DENND1B: variants seen among roughly 807,000 people sequenced by gnomAD.
DENND1B encodes DENN domain-containing protein 1B.
In DENND1B, 59 loss-of-function variants were observed where a neutral mutation model predicts 90.1. The observed-to-expected ratio is 0.65, with a 90% CI of 0.53 to 0.81. The LOEUF is 0.81. Among genes scored for constraint, DENND1B ranks in the 40% least tolerant of loss-of-function variants. The pLI, the probability that DENND1B is intolerant of heterozygous loss-of-function variation, is 0.00. For synonymous variants in DENND1B, 337 were observed against 324.6 expected (o/e 1.04, Z -0.41); for missense variants, 862 against 912.6 (o/e 0.94, Z 0.71).
chr1:197,752,236 G>A lies in DENND1B; in HGVS notation c.82+20632C>T, dbSNP rs78518257. Reference sequence around the variant, plus strand: ...CTGCAGATCTTATGAAAATTAAAAAGATAAATATTATGAATGGTTTTGTGC... The same window carrying A: ...CTGCAGATCTTATGAAAATTAAAAAAATAAATATTATGAATGGTTTTGTGC... On this transcript the variant is annotated intron_variant, in intron 2 of 22. Coordinates refer to ENST00000620048, the MANE Select transcript of DENND1B (RefSeq NM_001195215.2). Among the ~76,000 whole-genome samples the A allele has an allele frequency of 4.8e-3, 736 of 152,064 alleles. 14 individuals are homozygous for A. Among genetic ancestry groups the A allele is most frequent in the African/African-American group, 0.016 (680 of 41,412 alleles).
intron 12 of DENND1B, 48 bp from the exon 13 acceptor site, chr1:197,607,222 C>A: frequency 1.5e-6 from 2 of 1,304,348 alleles, no homozygotes; most frequent in Non-Finnish European, 1.1e-6. Context: ...ATTTACTTTA[C>A]AAAGTTATGA....
intron 3 of DENND1B, among the ~76,000 whole-genome samples, chr1:197,709,742 T>A (rs1364046311): frequency 1.2e-5 from 1 of 84,308 alleles, no homozygotes; most frequent in Non-Finnish European, 2.2e-5. Flanking sequence ...TAACTTTAAA[T>A]ATAAATGGAC....
chr1:197,683,675 C>A (rs550343072), intron 3 of DENND1B, among the ~76,000 whole-genome samples: 3 of 152,220 alleles, frequency 2.0e-5, no homozygotes, highest in South Asian at 2.1e-4. Context: ...AAATATCCTT[C>A]TTCATATTTT....
intron 13 of DENND1B, among the ~76,000 whole-genome samples, chr1:197,600,581 T>G (rs771539360): frequency 6.6e-6 from 1 of 151,784 alleles, no homozygotes; most frequent in Non-Finnish European, 1.5e-5. Context: ...ACCTCTTAAT[T>G]GTTATACAAT....
intron 1 of DENND1B, 92 bp downstream of exon 1, chr1:197,775,047 G>GTC: frequency 1.1e-6 from 1 of 925,410 alleles, no homozygotes. Flanking sequence ...CCGGGGAGCC[G>GTC]GTTGAGCGCG....
At position 197,569,403 on chromosome 1, in the gene DENND1B, C is replaced by A. The variant is rs545871906; in HGVS notation, c.1149+13749G>T. Among the ~76,000 whole-genome samples, 4 of 152,178 alleles carry A rather than the reference C, an allele frequency of 2.6e-5. No homozygotes were observed. The East Asian group carries it at 7.7e-4, about 29-fold the overall frequency. ...ACCAAAAATAGAACTATTATATGAT[C>A]CAGCAATTCTGCTTCTAGGAATATA... On this transcript the variant is annotated intron_variant, in intron 15 of 22. Coordinates refer to ENST00000620048, the MANE Select transcript of DENND1B (RefSeq NM_001195215.2).
chr1:197,765,208 A>T (rs1437808782), intron 2 of DENND1B, among the ~76,000 whole-genome samples: 1 of 152,244 alleles, frequency 6.6e-6, no homozygotes, highest in Non-Finnish European at 1.5e-5. Flanking sequence ...AACGTGAACC[A>T]AGACATTACT....
At chr1:197,628,370 C>T (rs967858942) in intron 10 of DENND1B, among the ~76,000 whole-genome samples, 5 of 152,112 alleles carry the variant, frequency 3.3e-5, no homozygotes, top group African/African-American at 7.2e-5. Flanking sequence ...GAAATAACGC[C>T]GCATAACTAC....
At position 197,508,803 on chromosome 1, in the gene DENND1B, CCT is replaced by C. The variant is rs1288383040; in HGVS notation, c.*1655_*1656del. ...TAACCATACTATCACTGCTTTTTTC[CCT>C]GATTGTGCCTGGTAATCTAGTCTAT... On this transcript the variant is annotated 3_prime_UTR_variant, in exon 23 of 23. Coordinates refer to ENST00000620048, the MANE Select transcript of DENND1B (RefSeq NM_001195215.2). 3 of 151,426 alleles carry C rather than the reference CCT, an allele frequency of 2.0e-5. No individual in the cohort carries two copies. The highest frequency in any genetic ancestry group is 4.4e-5 in the Non-Finnish European group (3 of 67,722). The allele number at this position is 151,426 out of a possible 1,614,324, so 9.4% of individuals were successfully genotyped here.
chr1:197,645,586 TAC>T (rs1680656354), intron 9 of DENND1B, 102 bp downstream of exon 9: 1 of 541,044 alleles, frequency 1.8e-6, no homozygotes, highest in African/African-American at 2.0e-5. Flanking sequence ...CACAGATAAT[TAC>T]AATGTATCCT....
chr1:197,553,285 A>T (rs981011417), intron 15 of DENND1B, among the ~76,000 whole-genome samples, 173 bp from the exon 16 acceptor site: 1 of 152,176 alleles, frequency 6.6e-6, no homozygotes, highest in African/African-American at 2.4e-5. Context: ...GAAAATTCTC[A>T]AACAATGGAA....
chr1:197,538,960 G>T (rs1172188875), intron 20 of DENND1B, among the ~76,000 whole-genome samples: 1 of 152,060 alleles, frequency 6.6e-6, no homozygotes, highest in Non-Finnish European at 1.5e-5. Flanking sequence ...GGCCTCATAA[G>T]GTGCCAGTGC....
At chr1:197,620,539 T>C (rs1678060321) in intron 10 of DENND1B, among the ~76,000 whole-genome samples, 1 of 151,320 alleles carries the variant, frequency 6.6e-6, no homozygotes, top group Admixed American at 6.6e-5. Flanking sequence ...TATTGAGATT[T>C]CTTCTACCCT....
chr1:197,702,390 A>T lies in DENND1B; in HGVS notation c.126+12641T>A, dbSNP rs189232126. Among the ~76,000 whole-genome samples the T allele has an allele frequency of 5.3e-5, 8 of 152,302 alleles. No homozygotes were observed. In the East Asian group the frequency reaches 1.5e-3, roughly 29 times the overall value. On this transcript the variant is annotated intron_variant, in intron 3 of 22. Coordinates refer to ENST00000620048, the MANE Select transcript of DENND1B (RefSeq NM_001195215.2). ...AATGTATACAAGTTATTGAACTAAT[A>T]AGCAACTATGACACGTTAAGGTTAT...
At chr1:197,692,087 A>G (rs369771813) in intron 3 of DENND1B, among the ~76,000 whole-genome samples, 1 of 151,780 alleles carries the variant, frequency 6.6e-6, no homozygotes, top group South Asian at 2.1e-4. Context: ...TAAACTTAAC[A>G]ATTTGTTTAT....
In DENND1B at chr1:197,679,750, AAG is replaced by A. The variant is rs1656464513; in HGVS notation, c.127-5583_127-5582del. On this transcript the variant is annotated intron_variant, in intron 3 of 22. Transcript: ENST00000620048. ...TACATTTATTCTCATTAGTTTAAGA[AAG>A]AGAAGTATTTTAAAAAATCAAAGTG... Among the ~76,000 whole-genome samples the A allele has an allele frequency of 4.0e-5, 6 of 151,070 alleles. No homozygotes were observed. In the South Asian group the frequency reaches 1.3e-3, roughly 31 times the overall value.
intron 3 of DENND1B, among the ~76,000 whole-genome samples, chr1:197,702,531 T>G (rs1203913773): frequency 6.6e-6 from 1 of 152,212 alleles, no homozygotes; most frequent in Non-Finnish European, 1.5e-5. Flanking sequence ...AATCTTTAGG[T>G]AACCAAAATG....
intron 2 of DENND1B, among the ~76,000 whole-genome samples, chr1:197,754,258 A>G (rs990488828): frequency 6.6e-6 from 1 of 152,174 alleles, no homozygotes; most frequent in African/African-American, 2.4e-5. Flanking sequence ...ATCTTTTCGG[A>G]AAGGCAATCT....
intron 10 of DENND1B, among the ~76,000 whole-genome samples, chr1:197,622,901 G>C (rs1313692791): frequency 1.3e-5 from 2 of 151,124 alleles, no homozygotes; most frequent in African/African-American, 4.8e-5. Context: ...TATTTTGAGG[G>C]AGGAGAAAAA....
Sources: gnomAD v4.1 joint callset for allele counts (sites outside exome capture counted in the v4.1 genomes callset) on GRCh38, gnomAD v4.1.1 for gene constraint, MANE v1.5 for transcripts, NCBI Gene and HGNC (gene_info 2026-07-23, HGNC 2026-07-21) for gene names.